Variants in RORB observed in about 807,000 individuals in gnomAD.
RORB encodes RAR related orphan receptor B, also known as nuclear receptor ROR-beta.
RORB carries 6 observed loss-of-function variants against 59.1 expected under a neutral mutation model. The observed-to-expected ratio is 0.10, with a 90% CI of 0.06 to 0.20. The LOEUF (loss-of-function observed/expected upper bound fraction) is 0.20, where lower values mean the gene tolerates loss of function less well. Ranked by LOEUF, RORB falls within the 10% of genes least tolerant of loss-of-function variation. RORB has a pLI of 1.00. For missense variants in RORB, 320 were observed against 560.5 expected, an observed-to-expected ratio of 0.57 and a Z score of 4.33; for synonymous variants, 215 against 204.5, an observed-to-expected ratio of 1.05 and a Z score of -0.44.
intron 7 of RORB, among the ~76,000 whole-genome samples, chr9:74,666,281 C>G (rs1329120508): frequency 1.3e-5 from 2 of 151,770 alleles, no homozygotes; most frequent in Non-Finnish European, 2.9e-5. Context: ...AGCAAGACTC[C>G]ATCTCAAATA....
At chr9:74,670,346 T>C (rs1400183301) in intron 8 of RORB, among the ~76,000 whole-genome samples, 1 of 152,230 alleles carries the variant, frequency 6.6e-6, no homozygotes, top group Non-Finnish European at 1.5e-5. Flanking sequence ...TGGGTATATT[T>C]GTGGCAAGTC....
At chr9:74,550,113 A>G (rs1461599114) in intron 1 of RORB, among the ~76,000 whole-genome samples, 1 of 152,188 alleles carries the variant, frequency 6.6e-6, no homozygotes, top group African/African-American at 2.4e-5. Flanking sequence ...TGTTCTTATC[A>G]ATATTTTCTT....
intron 1 of RORB, among the ~76,000 whole-genome samples, chr9:74,535,713 C>G (rs1346808087): frequency 1.3e-5 from 2 of 151,746 alleles, no homozygotes; most frequent in Non-Finnish European, 2.9e-5. Flanking sequence ...TATGAGGTGA[C>G]AATACTTCCC....
At chr9:74,654,190 T>A (rs1022939934) in intron 4 of RORB, among the ~76,000 whole-genome samples, 1 of 152,236 alleles carries the variant, frequency 6.6e-6, no homozygotes, top group African/African-American at 2.4e-5. Context: ...TATTTACTTG[T>A]ATAAACCTTA....
rs116129117 is a variant in RORB at position 74,621,783 on chromosome 9, G to C, written c.8-8499G>C. ...CAGTTTTTTAAGTAGGTTTATAGTG[G>C]CACCTCATTGCTTTTAATTTGCAAT... On this transcript the variant is annotated intron_variant, in intron 1 of 9. Coordinates refer to ENST00000376896, the MANE Select transcript of RORB (RefSeq NM_006914.4). 1.5e-3 allele frequency among the ~76,000 whole-genome samples: 232 copies of C among 152,238 alleles called. 1 individual carries two copies. Among genetic ancestry groups the C allele is most frequent in the African/African-American group, 4.8e-3 (201 of 41,556 alleles).
At chr9:74,680,931 C>T (rs958764742) in intron 9 of RORB, among the ~76,000 whole-genome samples, 3 of 151,948 alleles carry the variant, frequency 2.0e-5, no homozygotes, top group African/African-American at 7.3e-5. Context: ...CTCATAAAAC[C>T]GCCCACCGGA....
intron 3 of RORB, among the ~76,000 whole-genome samples, chr9:74,639,542 T>G (rs1378031416): frequency 6.6e-6 from 1 of 152,272 alleles, no homozygotes; most frequent in Admixed American, 6.5e-5. Context: ...TTTATGTTTT[T>G]GTGTTGGAAG....
In RORB at chr9:74,693,071, C is replaced by T. The variant is rs944260748; in HGVS notation, c.*7453C>T. ...ATTAGTTCAATACTGTTAGCATTCC[C>T]GGATAATGCACACATGATTTCTGAA... On this transcript the variant is annotated 3_prime_UTR_variant, in exon 10 of 10. Coordinates refer to ENST00000376896, the MANE Select transcript of RORB (RefSeq NM_006914.4). The T allele has an allele frequency of 2.0e-5, 3 of 152,066 alleles. No individual in the cohort carries two copies. Among genetic ancestry groups the T allele is most frequent in the Admixed American group, 6.6e-5 (1 of 15,262 alleles). The allele number at this position is 152,066 out of a possible 1,614,324, so 9.4% of individuals were successfully genotyped here.
chr9:74,671,115 G>C (rs2118543484), intron 8 of RORB, among the ~76,000 whole-genome samples: 1 of 151,658 alleles, frequency 6.6e-6, no homozygotes, highest in East Asian at 2.0e-4. Context: ...TGGAGGGAAG[G>C]AAATAAGTGT....
chr9:74,498,823 TGGCGGC>T, intron 1 of RORB: 3 of 161,332 alleles, frequency 1.9e-5, no homozygotes, highest in Non-Finnish European at 4.0e-5. Flanking sequence ...TCGCAGGCGG[TGGCGGC>T]GGCGGCGGCG....
At chr9:74,577,865 A>C (rs1379663870) in intron 1 of RORB, among the ~76,000 whole-genome samples, 1 of 152,114 alleles carries the variant, frequency 6.6e-6, no homozygotes, top group Non-Finnish European at 1.5e-5. Flanking sequence ...CTTTTGTTCA[A>C]TTTGGTTTCT....
In RORB at chr9:74,647,627, G is replaced by A. The variant is rs145421749; in HGVS notation, c.637+4812G>A. Among the ~76,000 whole-genome samples, 778 of 152,122 alleles carry A rather than the reference G, an allele frequency of 5.1e-3. 15 individuals are homozygous for A. The highest frequency in any genetic ancestry group is 0.018 in the African/African-American group (740 of 41,498). On this transcript the variant is annotated intron_variant, in intron 4 of 9. Coordinates refer to ENST00000376896, the MANE Select transcript of RORB (RefSeq NM_006914.4). Reference sequence around the variant, plus strand: ...ATATTGCTTTCGTGTTCTATTTATAGAACCTGGAATGTTAAGCATCATAAA... The same window carrying A: ...ATATTGCTTTCGTGTTCTATTTATAAAACCTGGAATGTTAAGCATCATAAA...
intron 1 of RORB, among the ~76,000 whole-genome samples, chr9:74,623,629 G>A (rs982041277): frequency 2.0e-5 from 3 of 152,038 alleles, no homozygotes; most frequent in Non-Finnish European, 2.9e-5. Flanking sequence ...TCTCAAACTC[G>A]AATGCTAGCC....
chr9:74,526,823 T>C (rs969078827), intron 1 of RORB, among the ~76,000 whole-genome samples: 4 of 151,932 alleles, frequency 2.6e-5, no homozygotes, highest in Admixed American at 2.6e-4. Flanking sequence ...CTAATATACC[T>C]TTTAGAAATT....
At chr9:74,633,624 T>A (rs1285322664) in intron 2 of RORB, among the ~76,000 whole-genome samples, 1 of 152,196 alleles carries the variant, frequency 6.6e-6, no homozygotes, top group Non-Finnish European at 1.5e-5. Flanking sequence ...TATCTATCTC[T>A]GGAGAAAATG....
At chr9:74,615,686 C>G in intron 1 of RORB, 1 of 424,362 alleles carries the variant, frequency 2.4e-6, no homozygotes, top group Non-Finnish European at 4.8e-6. Flanking sequence ...GCTGTATGGA[C>G]CATCCTCCAG....
chr9:74,658,882 G>A (rs1435717757), intron 4 of RORB, among the ~76,000 whole-genome samples: 1 of 152,184 alleles, frequency 6.6e-6, no homozygotes, highest in African/African-American at 2.4e-5. Context: ...ATCATAAGCA[G>A]TGCAAGTCTA....
chr9:74,596,238 G>T (rs913218395), intron 1 of RORB, among the ~76,000 whole-genome samples: 3 of 152,062 alleles, frequency 2.0e-5, no homozygotes, highest in Admixed American at 6.6e-5. Flanking sequence ...GAACAGCAGA[G>T]GGAAGAAGAG....
intron 1 of RORB, among the ~76,000 whole-genome samples, chr9:74,603,823 CAG>C (rs1346690351): frequency 2.6e-5 from 4 of 152,302 alleles, no homozygotes; most frequent in Middle Eastern, 6.8e-3. Flanking sequence ...GTGTGACACA[CAG>C]AGAGCTGGAA....
Sources: allele counts gnomAD v4.1 joint callset (sites outside exome capture counted in the v4.1 genomes callset), GRCh38; gene constraint gnomAD v4.1.1; transcripts MANE v1.5; gene names NCBI Gene and HGNC (gene_info 2026-07-23, HGNC 2026-07-21).